The following FAM217B variants were observed in gnomAD, a reference collection of about 807,000 sequenced individuals.
FAM217B encodes protein FAM217B.
For synonymous variants in FAM217B, 163 were observed against 173.0 expected (o/e 0.94, Z 0.45); for missense variants, 463 against 456.9 (o/e 1.01, Z -0.12).
In FAM217B at chr20:59,948,443, T is replaced by C. The variant is rs549850065; in HGVS notation, c.*3348T>C. On this transcript the variant is annotated 3_prime_UTR_variant, in exon 4 of 4. Transcript: ENST00000360816. ...TATGCTCACTTATGGAGTAGTTACA[T>C]AGAAATATAACTCTTGGTGGTACTG... 1 of 167,192 alleles carries C rather than the reference T, an allele frequency of 6.0e-6. No homozygotes were observed. Among genetic ancestry groups the C allele is most frequent in the South Asian group, 2.1e-4 (1 of 4,830 alleles). The allele number at this position is 167,192 out of a possible 1,614,324, so 10.4% of individuals were successfully genotyped here.
chr20:59,934,029 G>A (rs1362325352), intron 1 of FAM217B, among the ~76,000 whole-genome samples: 1 of 152,126 alleles, frequency 6.6e-6, no homozygotes, highest in African/African-American at 2.4e-5. Flanking sequence ...AGCGCGGGCG[G>A]GACCAGGAGA....
upstream of FAM217B, among the ~76,000 whole-genome samples, chr20:59,935,664 C>T (rs750555622): frequency 5.3e-5 from 8 of 152,068 alleles, no homozygotes; most frequent in Non-Finnish European, 8.8e-5. Context: ...TGCTCTACGC[C>T]GGAGGCTGAG....
At chr20:59,939,551 C>A (rs1370921290), upstream of FAM217B, 2 of 1,611,606 alleles carry the variant, frequency 1.2e-6, no homozygotes, top group Non-Finnish European at 1.7e-6. Context: ...CGTGCAGCGG[C>A]ACGGACGGGT....
rs773528627 is a variant in FAM217B at position 59,944,045 on chromosome 20, A to T, written c.102A>T (p.Arg34Ser). The change falls in exon 4 of 4, where the codon AGA becomes AGT. Residue 34 changes from arginine to serine, a missense_variant. Physicochemically the swap from Arg to Ser is moderately radical, Grantham distance 110. Transcript: ENST00000360816. ...SQVPHASSQP[R>S]SSLTAVTQPT... Reference sequence around the variant, plus strand: ...TACCCCACGCTTCTTCCCAGCCGAGAAGCAGCCTCACAGCTGTCACCCAGC... The same window carrying T: ...TACCCCACGCTTCTTCCCAGCCGAGTAGCAGCCTCACAGCTGTCACCCAGC... 5 of 1,614,184 alleles carry T rather than the reference A, an allele frequency of 3.1e-6. No individual in the cohort carries two copies. The highest frequency in any genetic ancestry group is 4.2e-6 in the Non-Finnish European group (5 of 1,180,030).
At chr20:59,939,414 T>C, upstream of FAM217B, 1 of 1,610,996 alleles carries the variant, frequency 6.2e-7, no homozygotes. Flanking sequence ...GAGCTGCCGC[T>C]GCAGGCGCTC....
Position 59,948,451 on chromosome 20 carries a change from T to C in FAM217B, c.*3356T>C, listed in dbSNP as rs781506710. The C allele has an allele frequency of 6.0e-6, 1 of 167,072 alleles. No individual in the cohort carries two copies. Among genetic ancestry groups the C allele is most frequent in the Non-Finnish European group, 1.5e-5 (1 of 68,130 alleles). The allele number at this position is 167,072 out of a possible 1,614,324, so 10.3% of individuals were successfully genotyped here. On this transcript the variant is annotated 3_prime_UTR_variant, in exon 4 of 4. Coordinates refer to ENST00000360816, the MANE Select transcript of FAM217B (RefSeq NM_022106.3). ...CTTATGGAGTAGTTACATAGAAATA[T>C]AACTCTTGGTGGTACTGTATTTTAA...
Position 59,944,934 on chromosome 20 carries a change from G to A in FAM217B, c.991G>A (p.Val331Met), listed in dbSNP as rs1379604918. The A allele has an allele frequency of 6.2e-7, 1 of 1,614,090 alleles. No individual in the cohort carries two copies. Among genetic ancestry groups the A allele is most frequent in the African/African-American group, 1.3e-5 (1 of 74,928 alleles). Residue 331 changes from valine to methionine, a missense_variant, in exon 4 of 4, where the codon GTG (valine) becomes ATG (methionine). Physicochemically the swap from Val to Met is conservative, Grantham distance 21 (BLOSUM62 1). Coordinates refer to ENST00000360816, the MANE Select transcript of FAM217B (RefSeq NM_022106.3). ...CATTCGAGTTCCCAAACAGGCAGCT[G>A]TGATTCTGGACTCAGCAGATTCCTG... Reference protein sequence around the residue: ...GHIRVPKQAAVILDSADSCKA... With the variant: ...GHIRVPKQAAMILDSADSCKA...
upstream of FAM217B, chr20:59,939,325 G>A: frequency 6.2e-7 from 1 of 1,611,686 alleles, no homozygotes; most frequent in South Asian, 1.1e-5. Context: ...ACAGCCACCT[G>A]CTTCTCGAAG....
upstream of FAM217B, chr20:59,939,417 A>G: frequency 6.2e-7 from 1 of 1,611,016 alleles, no homozygotes; most frequent in Non-Finnish European, 8.5e-7. Flanking sequence ...CTGCCGCTGC[A>G]GGCGCTCGCC....
upstream of FAM217B, chr20:59,940,042 G>C (rs1469366565): frequency 1.2e-5 from 11 of 939,612 alleles, no homozygotes; most frequent in Non-Finnish European, 1.4e-5. Context: ...TCTGCAACCT[G>C]CGGGGGACCT....
Position 59,945,092 on chromosome 20 carries a change from A to T in FAM217B, c.1149A>T (p.Lys383Asn). 2 of 1,572,566 alleles carry T rather than the reference A, an allele frequency of 1.3e-6. No individual in the cohort carries two copies. Among genetic ancestry groups the T allele is most frequent in the Non-Finnish European group, 1.7e-6 (2 of 1,163,514 alleles). ...NGVKQNTYKL[K>N] is the part of the protein sequence containing the mutation. ...TAAAGCAAAACACATATAAACTAAA[A>T]TAAATATCTAAAATGCTGAATTGCC... Residue 383 changes from lysine (K) to asparagine (N), a missense_variant, in exon 4 of 4, where the codon AAA (lysine) becomes AAT (asparagine). Lys to Asn is a moderately conservative substitution (Grantham distance 94). Coordinates refer to ENST00000360816, the MANE Select transcript of FAM217B (RefSeq NM_022106.3).
Position 59,945,389 on chromosome 20 carries a change from T to C in FAM217B, c.*294T>C, listed in dbSNP as rs1378128406. On this transcript the variant is annotated 3_prime_UTR_variant, in exon 4 of 4. Transcript: ENST00000360816. ...TAAAATGGCACCTCTCCAGGGAAAG[T>C]GTCAGTGAAACCTCAGCTACAGTAG... 3.5e-6 allele frequency: 1 copy of C among 285,678 alleles called. No individual in the cohort carries two copies. The highest frequency in any genetic ancestry group is 7.1e-6 in the Non-Finnish European group (1 of 141,824). 17.7% of individuals were successfully genotyped at this position (285,678 alleles called of 1,614,324 possible). A position where few individuals can be genotyped will look rare whatever the true frequency, so the allele number is the denominator to read the frequency against.
At chr20:59,943,618 T>A (rs1050852891) in intron 3 of FAM217B, among the ~76,000 whole-genome samples, 4 of 152,136 alleles carry the variant, frequency 2.6e-5, no homozygotes, top group South Asian at 2.1e-4. Context: ...GTTTTTTTTT[T>A]AAAGTACACA....
At chr20:59,933,978 G>A (rs2060832357) in intron 1 of FAM217B, 2 of 152,336 alleles carry the variant, frequency 1.3e-5, no homozygotes, top group Admixed American at 6.5e-5. Flanking sequence ...CTGGGGCCCT[G>A]GTCCCGGGAC....
chr20:59,944,381 T>C lies in FAM217B; in HGVS notation c.438T>C (p.Leu146=). The C allele has an allele frequency of 6.2e-7, 1 of 1,614,032 alleles. No individual in the cohort carries two copies. Among genetic ancestry groups the C allele is most frequent in the South Asian group, 1.1e-5 (1 of 91,076 alleles). The change falls in exon 4 of 4, where the codon CTT becomes CTC. Residue 146 remains leucine (L), a synonymous_variant. Transcript: ENST00000360816. Reference sequence around the variant, plus strand: ...CTGAATACTATTATCCTAATTTCCTTCCATCCCCTTTCAGCTCCTGGGACC... The same window carrying C: ...CTGAATACTATTATCCTAATTTCCTCCCATCCCCTTTCAGCTCCTGGGACC... ...TKPEYYYPNF[L]PSPFSSWDLR... is the part of the protein sequence containing the mutation.
upstream of FAM217B, chr20:59,937,933 A>G (rs967767825): frequency 2.6e-5 from 4 of 152,296 alleles, no homozygotes; most frequent in Non-Finnish European, 5.9e-5. Context: ...TGATGTATGT[A>G]AATACAGTTC....
rs1190026665 is a variant in FAM217B at position 59,945,479 on chromosome 20, A to G, written c.*384A>G. On this transcript the variant is annotated 3_prime_UTR_variant, in exon 4 of 4. Coordinates refer to ENST00000360816, the MANE Select transcript of FAM217B (RefSeq NM_022106.3). ...TTTCACATGCACGTAAGTATATGAAATAGTGCAGACTGTTTCAAATGGTGT... is the reference window on the plus strand; with the variant it reads ...TTTCACATGCACGTAAGTATATGAAGTAGTGCAGACTGTTTCAAATGGTGT... The G allele has an allele frequency of 5.3e-6, 1 of 189,196 alleles. No individual in the cohort carries two copies. The highest frequency in any genetic ancestry group is 1.2e-5 in the Non-Finnish European group (1 of 80,780). The allele number at this position is 189,196 out of a possible 1,614,324, so 11.7% of individuals were successfully genotyped here.
chr20:59,943,894 A>T (rs745328054), intron 3 of FAM217B, 46 bp from the exon 4 acceptor site: 2 of 1,469,230 alleles, frequency 1.4e-6, no homozygotes, highest in South Asian at 2.7e-5. Context: ...TAGCCAGACC[A>T]TTTTTTGTCA....
At position 59,944,741 on chromosome 20, in the gene FAM217B, T is replaced by C. The variant is rs1215284820; in HGVS notation, c.798T>C (p.Thr266=). Residue 266 remains threonine (T), a synonymous_variant, in exon 4 of 4, where the codon ACT becomes ACC. Transcript: ENST00000360816. ...EIHPSHYAFE[T]SPRPIDVLGG... ...ACCCATCACATTATGCATTTGAGAC[T>C]TCCCCTAGACCCATTGATGTGCTTG... 1 of 1,614,072 alleles carries C rather than the reference T, an allele frequency of 6.2e-7. No homozygotes were observed. The highest frequency in any genetic ancestry group is 8.5e-7 in the Non-Finnish European group (1 of 1,180,036).
Sources: allele counts gnomAD v4.1 joint callset (sites outside exome capture counted in the v4.1 genomes callset), GRCh38; gene constraint gnomAD v4.1.1; transcripts MANE v1.5; gene names NCBI Gene and HGNC (gene_info 2026-07-23, HGNC 2026-07-21).